NALCN: variants seen among roughly 807,000 people sequenced by gnomAD.
NALCN encodes the protein sodium leak channel NALCN.
NALCN carries 111 observed loss-of-function variants against 225.3 expected under a neutral mutation model. That is an observed-to-expected ratio of 0.49 (90% CI 0.42 to 0.58). The LOEUF is 0.58. NALCN is among the 20% of genes least tolerant of loss of function. The pLI, the probability that NALCN is intolerant of heterozygous loss-of-function variation, is 0.00. For missense variants in NALCN, 1,378 were observed against 2,202.4 expected, an observed-to-expected ratio of 0.63 and a Z score of 7.49; for synonymous variants, 764 against 769.0, an observed-to-expected ratio of 0.99 and a Z score of 0.11.
At chr13:101,183,522 C>T (rs74395519) in intron 14 of NALCN, among the ~76,000 whole-genome samples, 25,966 of 152,012 alleles carry the variant, frequency 0.17, 2,553 homozygotes, top group East Asian at 0.43. Flanking sequence ...TGCAGTGGTG[C>T]GATCTCAGCT....
intron 9 of NALCN, among the ~76,000 whole-genome samples, chr13:101,290,575 A>G (rs769535267): frequency 3.9e-5 from 6 of 152,216 alleles, no homozygotes; most frequent in Non-Finnish European, 8.8e-5. Flanking sequence ...GGAAGTTTGA[A>G]CAGTTGTTTG....
rs2047859867 is a variant in NALCN, at chr13:101,413,980, G to C, written c.-40+2333C>G. Among the ~76,000 whole-genome samples, 3 of 151,940 alleles carry C rather than the reference G, an allele frequency of 2.0e-5. No individual in the cohort carries two copies. In the South Asian group the frequency reaches 6.2e-4, roughly 32 times the overall value. Reference sequence around the variant, plus strand: ...GCCTGCTGCAGCCTTGACATCTCTGGGCTCACGCGATCCTTCCACCTCAGC... The same window carrying C: ...GCCTGCTGCAGCCTTGACATCTCTGCGCTCACGCGATCCTTCCACCTCAGC... On this transcript the variant is annotated intron_variant, in intron 1 of 43. Transcript: ENST00000251127.
rs1283550500 is a variant in NALCN, at chr13:101,258,557, G to A, written c.1152C>T (p.Ser384=). 2 of 1,613,954 alleles carry A rather than the reference G, an allele frequency of 1.2e-6. No individual in the cohort carries two copies. The highest frequency in any genetic ancestry group is 1.7e-5 in the Admixed American group (1 of 59,978). The part of the protein sequence containing the change: ...PACLQKMMRS[S]VFHMFILSMV... ...TGCTCAGGATGAACATGTGGAAAACGGATGACCGCATCATTTTCTGAGGGG... is the reference window on the plus strand; with the variant it reads ...TGCTCAGGATGAACATGTGGAAAACAGATGACCGCATCATTTTCTGAGGGG... Residue 384 remains serine (S), a synonymous_variant, in exon 11 of 44, where the codon TCC becomes TCT. Coordinates refer to ENST00000251127, the MANE Select transcript of NALCN (RefSeq NM_052867.4).
intron 10 of NALCN, among the ~76,000 whole-genome samples, chr13:101,270,205 A>G (rs2042730559): frequency 6.6e-6 from 1 of 152,172 alleles, no homozygotes; most frequent in African/African-American, 2.4e-5. Context: ...AGTTACCTGT[A>G]TTGTTGTGAG....
intron 14 of NALCN, among the ~76,000 whole-genome samples, chr13:101,178,465 A>G (rs1165711374): frequency 6.6e-6 from 1 of 152,146 alleles, no homozygotes; most frequent in Non-Finnish European, 1.5e-5. Context: ...GTATATAAAT[A>G]CTTTTAAGAG....
intron 7 of NALCN, among the ~76,000 whole-genome samples, chr13:101,307,061 T>A (rs2044176421): frequency 6.6e-6 from 1 of 152,198 alleles, no homozygotes; most frequent in Admixed American, 6.5e-5. Context: ...GACATGAGCA[T>A]CTTGTTTGGG....
chr13:101,195,618 C>T (rs2039858365), intron 13 of NALCN, among the ~76,000 whole-genome samples: 1 of 152,174 alleles, frequency 6.6e-6, no homozygotes, highest in Admixed American at 6.5e-5. Flanking sequence ...GTTTTCACTT[C>T]TGATGGCGTT....
At position 101,068,677 on chromosome 13, in the gene NALCN, T is replaced by TCAA; in HGVS notation, c.4330+15_4330+17dup. Reference sequence around the variant, plus strand: ...CCTGAGTTTAAAGAGTAAAAAGTATTCAACTAACATCACTTACCTACAAGC... The same window carrying TCAA: ...CCTGAGTTTAAAGAGTAAAAAGTATTCAACAACTAACATCACTTACCTACAAGC... On this transcript the variant is annotated intron_variant, in intron 38 of 43. Coordinates refer to ENST00000251127, the MANE Select transcript of NALCN (RefSeq NM_052867.4). 2 of 1,564,304 alleles carry TCAA rather than the reference T, an allele frequency of 1.3e-6. No homozygotes were observed. The highest frequency in any genetic ancestry group is 1.7e-6 in the Non-Finnish European group (2 of 1,156,340).
At chr13:101,367,725 T>C (rs952100479) in intron 6 of NALCN, among the ~76,000 whole-genome samples, 1 of 152,176 alleles carries the variant, frequency 6.6e-6, no homozygotes, top group South Asian at 2.1e-4. Context: ...TTTTCAAAAG[T>C]AGATACTGAT....
chr13:101,211,650 C>CTATATATATATATATATATA (rs5806203), intron 13 of NALCN, among the ~76,000 whole-genome samples: 1 of 145,578 alleles, frequency 6.9e-6, no homozygotes, highest in African/African-American at 2.5e-5. Flanking sequence ...TGACAATAAA[C>CTATATATATATATATATATA]TATATATATA....
intron 32 of NALCN, 39 bp downstream of exon 32, chr13:101,083,053 C>T: frequency 6.3e-7 from 1 of 1,598,008 alleles, no homozygotes; most frequent in African/African-American, 1.3e-5. Context: ...GCAGTGAATA[C>T]AAAATTCATT....
intron 43 of NALCN, among the ~76,000 whole-genome samples, chr13:101,055,711 C>A (rs994205174): frequency 2.0e-5 from 3 of 151,706 alleles, no homozygotes; most frequent in Admixed American, 1.3e-4. Flanking sequence ...GGGAAAAAAA[C>A]GTGCTGCTCA....
chr13:101,172,260 G>A (rs1040053387), intron 15 of NALCN, among the ~76,000 whole-genome samples: 6 of 152,044 alleles, frequency 3.9e-5, no homozygotes, highest in African/African-American at 1.4e-4. Context: ...GCTTCTGAGG[G>A]GAACGCCCTG....
At chr13:101,182,051 G>A (rs1004238250) in intron 14 of NALCN, among the ~76,000 whole-genome samples, 23 of 144,906 alleles carry the variant, frequency 1.6e-4, no homozygotes, top group East Asian at 1.1e-3. Flanking sequence ...GGAGAATGGC[G>A]TGAACCCGGG....
intron 15 of NALCN, among the ~76,000 whole-genome samples, chr13:101,162,983 C>T (rs1054203137): frequency 2.0e-5 from 3 of 152,162 alleles, no homozygotes; most frequent in African/African-American, 7.2e-5. Context: ...CTCACTGCAA[C>T]CTCTGCCTCC....
In NALCN at chr13:101,300,173, C is replaced by T. The variant is rs543112820; in HGVS notation, c.800-7807G>A. On this transcript the variant is annotated intron_variant, in intron 7 of 43. Coordinates refer to ENST00000251127, the MANE Select transcript of NALCN (RefSeq NM_052867.4). ...CCAGCAACAGCAAGAAAGGTGCATC[C>T]TGAATTGCAGAGATTTACTAAACGA... 2.0e-5 allele frequency among the ~76,000 whole-genome samples: 3 copies of T among 152,132 alleles called. No homozygotes were observed. In the South Asian group the frequency reaches 6.2e-4, roughly 32 times the overall value.
intron 12 of NALCN, among the ~76,000 whole-genome samples, chr13:101,237,141 T>C (rs2041591633): frequency 6.6e-6 from 1 of 151,826 alleles, no homozygotes; most frequent in African/African-American, 2.4e-5. Flanking sequence ...TTACTGTTTA[T>C]TGCATAATTA....
At chr13:101,386,531 T>A (rs2046991185) in intron 3 of NALCN, among the ~76,000 whole-genome samples, 1 of 152,110 alleles carries the variant, frequency 6.6e-6, no homozygotes, top group South Asian at 2.1e-4. Context: ...ATATAACTCA[T>A]TCTTATATTA....
At chr13:101,193,543 A>G (rs918840069) in intron 13 of NALCN, among the ~76,000 whole-genome samples, 1 of 152,188 alleles carries the variant, frequency 6.6e-6, no homozygotes, top group Admixed American at 6.5e-5. Context: ...TGATTTTTCT[A>G]TAATCTCATT....
Sources: gnomAD v4.1 joint callset for allele counts (sites outside exome capture counted in the v4.1 genomes callset) on GRCh38, gnomAD v4.1.1 for gene constraint, MANE v1.5 for transcripts, NCBI Gene and HGNC (gene_info 2026-07-23, HGNC 2026-07-21) for gene names.